The following UBAP2 variants were observed in gnomAD, a reference collection of about 807,000 sequenced individuals.
The protein encoded by UBAP2 is ubiquitin associated protein 2.
Under a neutral mutation model 139.6 loss-of-function variants are expected in UBAP2, and 75 were observed. The observed-to-expected ratio is 0.54, with a 90% CI of 0.45 to 0.65. The LOEUF is 0.65. Ranked by LOEUF, UBAP2 falls within the 30% of genes least tolerant of loss-of-function variation. The pLI is 0.00. For missense variants in UBAP2, 1,368 were observed against 1,369.6 expected, an observed-to-expected ratio of 1.00 and a Z score of 0.02; for synonymous variants, 526 against 526.2, an observed-to-expected ratio of 1.00 and a Z score of 0.01.
chr9:34,039,711 G>A (rs1826864001), intron 1 of UBAP2, among the ~76,000 whole-genome samples: 1 of 151,854 alleles, frequency 6.6e-6, no homozygotes, highest in Non-Finnish European at 1.5e-5. Flanking sequence ...CACTGCAGAA[G>A]GCCGCAGGGA....
chr9:33,987,769 T>C (rs1821342462), intron 5 of UBAP2, among the ~76,000 whole-genome samples: 1 of 152,248 alleles, frequency 6.6e-6, no homozygotes, highest in Non-Finnish European at 1.5e-5. Context: ...ACTACGTTAA[T>C]GTATCACAGA....
intron 15 of UBAP2, 70 bp downstream of exon 15, chr9:33,943,350 G>A: frequency 9.4e-6 from 14 of 1,482,930 alleles, no homozygotes; most frequent in South Asian, 2.5e-5. Context: ...ACCACAGGAT[G>A]TATTCTTTTC....
intron 24 of UBAP2, 117 bp from the exon 25 acceptor site, chr9:33,923,595 G>A: frequency 1.8e-6 from 2 of 1,118,480 alleles, no homozygotes; most frequent in Non-Finnish European, 2.7e-6. Context: ...GGGGACCTGT[G>A]TTTTCATTAG....
At chr9:34,006,294 C>T (rs1196626898) in intron 2 of UBAP2, among the ~76,000 whole-genome samples, 1 of 149,240 alleles carries the variant, frequency 6.7e-6, no homozygotes, top group East Asian at 1.9e-4. Flanking sequence ...ATCCACTGGA[C>T]AACTAGGCAG....
At chr9:33,924,432 G>T in intron 22 of UBAP2, 148 bp from the exon 23 acceptor site, 1 of 762,364 alleles carries the variant, frequency 1.3e-6, no homozygotes. Flanking sequence ...CAAGTAAATG[G>T]TGCCCCTCGG....
rs746129014 is a variant in UBAP2 at position 33,971,740 on chromosome 9, G to T, written c.590C>A (p.Ala197Glu). ...TGTAGATGTAGAATCTGAATAGTCT[G>T]CAGGATTAAATGTCCTGGGGTTTGA... ...STQGMGTFNP[A>E]DYSDSTSTDV... Residue 197 changes from alanine (A) to glutamate (E), a missense_variant, in exon 8 of 29, where the codon GCA (alanine) becomes GAA (glutamate). Coordinates refer to ENST00000379238, the MANE Select transcript of UBAP2 (RefSeq NM_001370062.2). 6 of 1,605,668 alleles carry T rather than the reference G, an allele frequency of 3.7e-6. No homozygotes were observed. In the South Asian group the frequency reaches 6.6e-5, roughly 18 times the overall value.
rs145903033 is a variant in UBAP2, at chr9:33,961,646, C to T, written c.746-768G>A. ...TAAAGGAAATACACTAAGAAATTAA[C>T]GACAACCCCAGAAAGAGGGATTATG... On this transcript the variant is annotated intron_variant, in intron 9 of 28. Transcript: ENST00000379238. 2.9e-4 allele frequency among the ~76,000 whole-genome samples: 44 copies of T among 152,232 alleles called. No homozygotes were observed. In the East Asian group the frequency reaches 7.7e-3, roughly 27 times the overall value.
chr9:33,981,111 T>TTCTGG lies in UBAP2; in HGVS notation c.520+5648_520+5649insCCAGA, dbSNP rs1372129446. Reference sequence around the variant, plus strand: ...TATATATATATATTCTGGATATATATATATATATATATATATATATATATA... The same window carrying TTCTGG: ...TATATATATATATTCTGGATATATATTCTGGATATATATATATATATATATATATA... On this transcript the variant is annotated intron_variant, in intron 6 of 28. Coordinates refer to ENST00000379238, the MANE Select transcript of UBAP2 (RefSeq NM_001370062.2). Among the ~76,000 whole-genome samples the TTCTGG allele has an allele frequency of 1.1e-3, 3 of 2,828 alleles. 1 individual carries two copies. Among genetic ancestry groups the TTCTGG allele is most frequent in the Non-Finnish European group, 1.5e-3 (2 of 1,298 alleles). 1.9% of individuals were successfully genotyped at this position (2,828 alleles called of 152,430 possible).
At chr9:33,926,498 G>A in intron 22 of UBAP2, 119 bp downstream of exon 22, 1 of 1,111,876 alleles carries the variant, frequency 9.0e-7, no homozygotes, top group Non-Finnish European at 1.4e-6. Context: ...TAGTGGTGCT[G>A]AGAGGTTCCT....
intron 13 of UBAP2, 82 bp from the exon 14 acceptor site, chr9:33,944,721 C>G: frequency 7.0e-7 from 1 of 1,438,754 alleles, no homozygotes; most frequent in Non-Finnish European, 9.4e-7. Flanking sequence ...CTATTACCAC[C>G]AATTTCTCCA....
intron 6 of UBAP2, among the ~76,000 whole-genome samples, chr9:33,973,509 C>A (rs1828064032): frequency 6.6e-6 from 1 of 152,170 alleles, no homozygotes; most frequent in African/African-American, 2.4e-5. Context: ...TATTATAAAA[C>A]AGTCTGCATC....
intron 8 of UBAP2, among the ~76,000 whole-genome samples, chr9:33,971,248 A>C (rs528528061): frequency 6.6e-6 from 1 of 152,360 alleles, no homozygotes; most frequent in Non-Finnish European, 1.5e-5. Context: ...ACGTTGCTAC[A>C]AACCCATCTA....
At chr9:34,020,361 C>T (rs1159693077) in intron 1 of UBAP2, among the ~76,000 whole-genome samples, 1 of 151,642 alleles carries the variant, frequency 6.6e-6, no homozygotes, top group East Asian at 1.9e-4. Context: ...CACTCCATCA[C>T]CCAGGCTGGA....
intron 2 of UBAP2, among the ~76,000 whole-genome samples, chr9:34,009,018 T>C (rs1823502430): frequency 6.7e-6 from 1 of 148,764 alleles, no homozygotes; most frequent in African/African-American, 2.5e-5. Context: ...GGTGAATATA[T>C]CTCTATCTCT....
intron 16 of UBAP2, chr9:33,938,777 C>G (rs1332789373): frequency 2.9e-6 from 1 of 345,162 alleles, no homozygotes; most frequent in South Asian, 2.2e-5. Flanking sequence ...GCCTGGGCAA[C>G]AGAGCAAGAC....
intron 1 of UBAP2, among the ~76,000 whole-genome samples, chr9:34,024,709 C>T (rs957236770): frequency 6.6e-5 from 10 of 152,094 alleles, no homozygotes; most frequent in Non-Finnish European, 1.0e-4. Flanking sequence ...TAAAGCCAGG[C>T]GCGGTGGCTA....
chr9:33,937,603 A>AC (rs1824675511), intron 16 of UBAP2, among the ~76,000 whole-genome samples: 1 of 144,148 alleles, frequency 6.9e-6, no homozygotes, highest in South Asian at 2.1e-4. Flanking sequence ...CTGTCTCAAA[A>AC]AAAAAAAAAA....
Position 33,948,765 on chromosome 9 carries a change from T to A in UBAP2, c.1057-178A>T, listed in dbSNP as rs370135924. ...ATATTACTATGCAATGAAAACTGACTAAATAAATGCAGCTATCCTTCCTCA... is the reference window on the plus strand; with the variant it reads ...ATATTACTATGCAATGAAAACTGACAAAATAAATGCAGCTATCCTTCCTCA... On this transcript the variant is annotated intron_variant, in intron 12 of 28. Coordinates refer to ENST00000379238, the MANE Select transcript of UBAP2 (RefSeq NM_001370062.2). The A allele has an allele frequency of 3.8e-6, 2 of 526,918 alleles. No individual in the cohort carries two copies. Among genetic ancestry groups the A allele is most frequent in the South Asian group, 3.4e-5 (1 of 29,486 alleles). The allele number at this position is 526,918 out of a possible 1,614,324, so 32.6% of individuals were successfully genotyped here.
intron 23 of UBAP2, 63 bp downstream of exon 23, chr9:33,924,143 C>A (rs1823206216): frequency 6.3e-7 from 1 of 1,599,730 alleles, no homozygotes; most frequent in African/African-American, 1.3e-5. Context: ...TTGCTGCTTC[C>A]CAGCTCCTGG....
Sources: gnomAD v4.1 joint callset for allele counts (sites outside exome capture counted in the v4.1 genomes callset) on GRCh38, gnomAD v4.1.1 for gene constraint, MANE v1.5 for transcripts, NCBI Gene and HGNC (gene_info 2026-07-23, HGNC 2026-07-21) for gene names.